The following SIL1 variants were observed in gnomAD, a reference collection of about 807,000 sequenced individuals.
The protein encoded by SIL1 is nucleotide exchange factor SIL1.
In SIL1, 40 loss-of-function variants were observed where a neutral mutation model predicts 49.1. The ratio of observed to expected loss-of-function variants is 0.81; its 90% CI spans 0.63 to 1.06. The LOEUF (loss-of-function observed/expected upper bound fraction) is 1.06. SIL1 is among the 50% of genes least tolerant of loss of function. The pLI is 0.00. For missense variants in SIL1, 500 were observed against 572.6 expected (o/e 0.87, Z 1.29); for synonymous variants, 253 against 250.8 (o/e 1.01, Z -0.08).
At chr5:139,079,014 A>T (rs1418148891) in intron 3 of SIL1, among the ~76,000 whole-genome samples, 3 of 152,256 alleles carry the variant, frequency 2.0e-5, no homozygotes, top group African/African-American at 7.2e-5. Context: ...AGTGATACTA[A>T]GAAACTGAAT....
intron 1 of SIL1, among the ~76,000 whole-genome samples, chr5:139,190,200 G>A (rs1369037240): frequency 6.6e-6 from 1 of 152,156 alleles, no homozygotes; most frequent in East Asian, 1.9e-4. Context: ...CTTTCTCTTA[G>A]AGATGTCTTG....
chr5:139,051,978 C>T (rs1431713962), intron 3 of SIL1, among the ~76,000 whole-genome samples: 9 of 152,190 alleles, frequency 5.9e-5, no homozygotes, highest in Non-Finnish European at 1.5e-5. Flanking sequence ...AAAGATGGTG[C>T]TTCTGACAAC....
At chr5:139,032,700 T>A (rs1366301261) in intron 5 of SIL1, among the ~76,000 whole-genome samples, 3 of 152,220 alleles carry the variant, frequency 2.0e-5, no homozygotes, top group Admixed American at 2.0e-4. Flanking sequence ...GGAGACTTCC[T>A]TTATAGAAGG....
At chr5:138,962,792 A>G (rs1767049814) in intron 7 of SIL1, among the ~76,000 whole-genome samples, 1 of 152,184 alleles carries the variant, frequency 6.6e-6, no homozygotes, top group Non-Finnish European at 1.5e-5. Context: ...GAAGGAATTC[A>G]TGGGGGAGAA....
chr5:139,047,723 G>A (rs1016051468), intron 4 of SIL1, among the ~76,000 whole-genome samples: 1 of 152,266 alleles, frequency 6.6e-6, no homozygotes, highest in Non-Finnish European at 1.5e-5. Context: ...CCCAGAAGTA[G>A]GAAGTCACCA....
intron 1 of SIL1, among the ~76,000 whole-genome samples, chr5:139,195,326 T>G (rs1394762286): frequency 6.6e-6 from 1 of 152,224 alleles, no homozygotes; most frequent in Non-Finnish European, 1.5e-5. Flanking sequence ...TCCCAAGAGC[T>G]TTCATGTGTA....
intron 3 of SIL1, among the ~76,000 whole-genome samples, chr5:139,101,539 A>G (rs1770587575): frequency 6.6e-6 from 1 of 152,224 alleles, no homozygotes; most frequent in Non-Finnish European, 1.5e-5. Context: ...TTCCTTTAAG[A>G]AGAAAAGCAC....
intron 1 of SIL1, among the ~76,000 whole-genome samples, chr5:139,147,094 G>A (rs1005106074): frequency 4.6e-5 from 7 of 152,292 alleles, no homozygotes; most frequent in Non-Finnish European, 1.0e-4. Flanking sequence ...GTGGACAGAC[G>A]AACAGATAAG....
chr5:139,078,675 C>T lies in SIL1; in HGVS notation c.245-27629G>A, dbSNP rs142617586. On this transcript the variant is annotated intron_variant, in intron 3 of 9. Transcript: ENST00000394817. ...AAAACCACTACCACACTGCACACAT[C>T]AAATGCCAGGCACGAGGCAGAGACC... 8.7e-4 allele frequency among the ~76,000 whole-genome samples: 132 copies of T among 152,362 alleles called. 1 individual carries two copies. The highest frequency in any genetic ancestry group is 3.0e-3 in the African/African-American group (126 of 41,586).
At chr5:139,024,106 T>C (rs772766924) in intron 6 of SIL1, among the ~76,000 whole-genome samples, 7 of 152,184 alleles carry the variant, frequency 4.6e-5, no homozygotes, top group Non-Finnish European at 8.8e-5. Context: ...CCCTTCCAGG[T>C]ATGATAAGCT....
At chr5:138,989,916 G>A (rs2150404888) in intron 7 of SIL1, among the ~76,000 whole-genome samples, 1 of 152,224 alleles carries the variant, frequency 6.6e-6, no homozygotes, top group South Asian at 2.1e-4. Context: ...CTGGCTCTGT[G>A]GTCTTGAACA....
intron 1 of SIL1, among the ~76,000 whole-genome samples, chr5:139,194,633 T>TA (rs1752231768): frequency 6.6e-6 from 1 of 152,098 alleles, no homozygotes; most frequent in African/African-American, 2.4e-5. Context: ...ATCCAGGAGT[T>TA]AGAGATGGCT....
At position 139,098,393 on chromosome 5, in the gene SIL1, CAGA is replaced by C. The variant is rs537393328; in HGVS notation, c.244+22639_244+22641del. ...GCTGGGAAAACTGGATATCCATATG[CAGA>C]AGAATAAAATTAGACCCCTATCTCT... is the stretch of plus-strand genomic sequence containing the variant. On this transcript the variant is annotated intron_variant, in intron 3 of 9. Coordinates refer to ENST00000394817, the MANE Select transcript of SIL1 (RefSeq NM_022464.5). 5.9e-5 allele frequency among the ~76,000 whole-genome samples: 9 copies of C among 152,242 alleles called. No homozygotes were observed. The South Asian group carries it at 1.7e-3, about 28-fold the overall frequency.
At chr5:138,967,662 C>G (rs923698529) in intron 7 of SIL1, among the ~76,000 whole-genome samples, 2 of 152,118 alleles carry the variant, frequency 1.3e-5, no homozygotes, top group Non-Finnish European at 2.9e-5. Context: ...GTTAGATGTT[C>G]AAAGAACCAA....
At chr5:139,135,020 G>A (rs1750943984) in intron 1 of SIL1, among the ~76,000 whole-genome samples, 1 of 152,182 alleles carries the variant, frequency 6.6e-6, no homozygotes, top group African/African-American at 2.4e-5. Flanking sequence ...AAAGGCTTAA[G>A]AAAAGAAATG....
intron 1 of SIL1, among the ~76,000 whole-genome samples, chr5:139,194,351 A>C (rs1018953579): frequency 2.6e-5 from 4 of 152,196 alleles, no homozygotes; most frequent in Non-Finnish European, 4.4e-5. Flanking sequence ...TATGCTAGGA[A>C]TCAGGGGTTA....
At chr5:139,023,006 C>T (rs1174306025) in intron 6 of SIL1, among the ~76,000 whole-genome samples, 1 of 152,222 alleles carries the variant, frequency 6.6e-6, no homozygotes, top group Admixed American at 6.5e-5. Context: ...CCTAGCAGAG[C>T]AGCTGCCACT....
At chr5:139,086,917 G>A (rs920132634) in intron 3 of SIL1, among the ~76,000 whole-genome samples, 13 of 151,828 alleles carry the variant, frequency 8.6e-5, no homozygotes, top group African/African-American at 1.4e-4. Flanking sequence ...TTGGGATCGC[G>A]CCATTGAGCT....
chr5:138,967,120 C>A (rs960002426), intron 7 of SIL1, among the ~76,000 whole-genome samples: 1 of 152,134 alleles, frequency 6.6e-6, no homozygotes, highest in Non-Finnish European at 1.5e-5. Flanking sequence ...GGAGGAGAAT[C>A]CTGGTACCCT....
Sources: allele counts gnomAD v4.1 joint callset (sites outside exome capture counted in the v4.1 genomes callset), GRCh38; gene constraint gnomAD v4.1.1; transcripts MANE v1.5; gene names NCBI Gene and HGNC (gene_info 2026-07-23, HGNC 2026-07-21).